DENND11: variants seen among roughly 807,000 people sequenced by gnomAD.
DENND11 encodes DENN domain-containing protein 11.
DENND11 carries 34 observed loss-of-function variants against 49.2 expected under a neutral mutation model. The observed-to-expected ratio is 0.69, with a 90% CI of 0.53 to 0.92. DENND11 has a LOEUF of 0.92. DENND11 is among the 40% of genes least tolerant of loss of function. The pLI is 0.00. For missense variants in DENND11, 475 were observed against 581.6 expected (o/e 0.82, Z 1.88); for synonymous variants, 238 against 230.3 (o/e 1.03, Z -0.30).
chr7:141,664,365 T>C, intron 7 of DENND11, 125 bp from the exon 8 acceptor site: 1 of 704,806 alleles, frequency 1.4e-6, no homozygotes, highest in Non-Finnish European at 2.5e-6. Flanking sequence ...AGGAAAGGGA[T>C]CAACAGGGTT....
At chr7:141,693,345 A>C (rs1471678153) in intron 1 of DENND11, among the ~76,000 whole-genome samples, 1 of 152,248 alleles carries the variant, frequency 6.6e-6, no homozygotes, top group Non-Finnish European at 1.5e-5. Context: ...AACATTCAAA[A>C]CACCAAATGC....
intron 1 of DENND11, among the ~76,000 whole-genome samples, chr7:141,691,531 T>C (rs1415317142): frequency 6.6e-6 from 1 of 152,206 alleles, no homozygotes; most frequent in African/African-American, 2.4e-5. Flanking sequence ...CCAAATCTAA[T>C]TGCACAGAAA....
At chr7:141,699,343 C>G (rs1248770740) in intron 1 of DENND11, among the ~76,000 whole-genome samples, 3 of 152,086 alleles carry the variant, frequency 2.0e-5, no homozygotes, top group Admixed American at 2.0e-4. Context: ...AGGGCCCTGT[C>G]CTAGTGCTAA....
intron 8 of DENND11, chr7:141,663,967 C>G: frequency 2.1e-6 from 1 of 485,466 alleles, no homozygotes; most frequent in Non-Finnish European, 3.7e-6. Context: ...TCTTAAGGGA[C>G]CTGCTTCTTT....
At chr7:141,665,853 T>C (rs2117052808) in intron 5 of DENND11, among the ~76,000 whole-genome samples, 1 of 151,728 alleles carries the variant, frequency 6.6e-6, no homozygotes, top group East Asian at 2.0e-4. Context: ...GCTGTGAAGG[T>C]CTCAAGGCAG....
Position 141,664,254 on chromosome 7 carries a change from C to G in DENND11, c.1104-14G>C. The G allele has an allele frequency of 1.3e-6, 2 of 1,571,938 alleles. No homozygotes were observed. Among genetic ancestry groups the G allele is most frequent in the Non-Finnish European group, 1.7e-6 (2 of 1,155,866 alleles). ...AACAGCATCTGCCTGTTGGGAAGAT[C>G]ACCGTGAGACTCTGGTGCAGGTACC... On this transcript the variant is annotated splice_polypyrimidine_tract_variant and intron_variant, in intron 7 of 8. Coordinates refer to ENST00000536163, the MANE Select transcript of DENND11 (RefSeq NM_001080392.2).
chr7:141,674,310 C>T, intron 3 of DENND11, 90 bp from the exon 4 acceptor site: 1 of 1,391,984 alleles, frequency 7.2e-7, no homozygotes, highest in Non-Finnish European at 9.3e-7. Flanking sequence ...CCTCCGCCCA[C>T]CTCAAGGGGC....
At chr7:141,698,772 T>C (rs1418007947) in intron 1 of DENND11, among the ~76,000 whole-genome samples, 2 of 152,144 alleles carry the variant, frequency 1.3e-5, no homozygotes, top group African/African-American at 4.8e-5. Flanking sequence ...CCCCTCCTTT[T>C]CCCTCTTACT....
chr7:141,684,857 A>C (rs992227000), intron 3 of DENND11, among the ~76,000 whole-genome samples: 3 of 151,486 alleles, frequency 2.0e-5, no homozygotes, highest in African/African-American at 7.3e-5. Context: ...AAAGTAACTA[A>C]TCGTTTTGCT....
rs992461062 is a variant in DENND11 at position 141,666,435 on chromosome 7, T to A, written c.682-10A>T. On this transcript the variant is annotated splice_polypyrimidine_tract_variant and intron_variant, in intron 4 of 8. Coordinates refer to ENST00000536163, the MANE Select transcript of DENND11 (RefSeq NM_001080392.2). ...CAGCTGGGTGTGTGATCTGAAAAAATTGAGGGGAATAGGGAGGAGAAAGAG... is the reference window on the plus strand; with the variant it reads ...CAGCTGGGTGTGTGATCTGAAAAAAATGAGGGGAATAGGGAGGAGAAAGAG... 6 of 1,591,702 alleles carry A rather than the reference T, an allele frequency of 3.8e-6. No homozygotes were observed. Among genetic ancestry groups the A allele is most frequent in the Non-Finnish European group, 5.2e-6 (6 of 1,164,242 alleles).
Position 141,661,215 on chromosome 7 carries a change from G to A in DENND11, c.*1441C>T, listed in dbSNP as rs1226651153. ...GACGGCTATTCCCATAACCGAGCCA[G>A]GCGGGAAGGGGGAAAAGGAAGACAT... is the stretch of plus-strand genomic sequence containing the variant. On this transcript the variant is annotated 3_prime_UTR_variant, in exon 9 of 9. Transcript: ENST00000536163. The A allele has an allele frequency of 1.3e-5, 2 of 152,208 alleles. No individual in the cohort carries two copies. The highest frequency in any genetic ancestry group is 1.9e-4 in the East Asian group (1 of 5,198). The allele number at this position is 152,208 out of a possible 1,614,324, so 9.4% of individuals were successfully genotyped here. A position where few individuals can be genotyped will look rare whatever the true frequency, so the allele number is the denominator to read the frequency against.
intron 4 of DENND11, among the ~76,000 whole-genome samples, chr7:141,671,057 C>T (rs1332707326): frequency 1.3e-5 from 2 of 152,198 alleles, no homozygotes; most frequent in African/African-American, 4.8e-5. Flanking sequence ...TAATTCACTA[C>T]TCACTATGGC....
rs900319853 is a variant in DENND11, at chr7:141,660,912, A to G, written c.*1744T>C. ...CCCACATTGCAGAGGAGAAAAGTCT[A>G]TTAGCTGTACAGTTTACATTTCAAT... On this transcript the variant is annotated 3_prime_UTR_variant, in exon 9 of 9. Transcript: ENST00000536163. The G allele has an allele frequency of 1.3e-5, 2 of 152,654 alleles. No homozygotes were observed. Among genetic ancestry groups the G allele is most frequent in the Non-Finnish European group, 2.9e-5 (2 of 68,040 alleles). The allele number at this position is 152,654 out of a possible 1,614,324, so 9.5% of individuals were successfully genotyped here.
chr7:141,680,721 A>G (rs1445693157), intron 3 of DENND11, among the ~76,000 whole-genome samples: 1 of 151,692 alleles, frequency 6.6e-6, no homozygotes, highest in Admixed American at 6.6e-5. Flanking sequence ...CCCTCTTCCT[A>G]CATGCTAGAA....
chr7:141,686,753 C>T (rs553002751), intron 1 of DENND11, 95 bp from the exon 2 acceptor site: 9 of 799,730 alleles, frequency 1.1e-5, no homozygotes, highest in East Asian at 8.0e-5. Flanking sequence ...TTCAATAAAC[C>T]GACTGCTGAC....
At chr7:141,687,586 T>C (rs1489951664) in intron 1 of DENND11, among the ~76,000 whole-genome samples, 4 of 146,986 alleles carry the variant, frequency 2.7e-5, no homozygotes, top group Non-Finnish European at 4.5e-5. Flanking sequence ...TGCCTCAGCC[T>C]CCCACGTAGC....
At chr7:141,668,597 AAAC>A (rs1161923638) in intron 4 of DENND11, among the ~76,000 whole-genome samples, 7 of 147,502 alleles carry the variant, frequency 4.7e-5, no homozygotes, top group East Asian at 2.2e-4. Flanking sequence ...ACAAACAAAC[AAAC>A]AACAAACAAA....
intron 4 of DENND11, among the ~76,000 whole-genome samples, chr7:141,667,411 A>G (rs1001288325): frequency 6.6e-6 from 1 of 152,200 alleles, no homozygotes; most frequent in Admixed American, 6.5e-5. Flanking sequence ...ACTATCCTTA[A>G]CTGTGAAATA....
At chr7:141,683,423 G>A (rs1038981657) in intron 3 of DENND11, among the ~76,000 whole-genome samples, 5 of 152,052 alleles carry the variant, frequency 3.3e-5, no homozygotes, top group South Asian at 2.1e-4. Flanking sequence ...GGCAGATCAC[G>A]AGGTCAGGAG....
Sources: gnomAD v4.1 joint callset for allele counts (sites outside exome capture counted in the v4.1 genomes callset) on GRCh38, gnomAD v4.1.1 for gene constraint, MANE v1.5 for transcripts, NCBI Gene and HGNC (gene_info 2026-07-23, HGNC 2026-07-21) for gene names.